CACNG2: variants seen among roughly 807,000 people sequenced by gnomAD.
CACNG2 encodes calcium voltage-gated channel auxiliary subunit gamma 2.
In CACNG2, 3 loss-of-function variants were observed where a neutral mutation model predicts 25.9. That is an observed-to-expected ratio of 0.12 (90% CI 0.05 to 0.30). The LOEUF is 0.30. CACNG2 is among the 10% of genes least tolerant of loss of function. CACNG2 has a pLI of 1.00. For synonymous variants in CACNG2, 167 were observed against 173.3 expected (o/e 0.96, Z 0.29); for missense variants, 341 against 432.5 (o/e 0.79, Z 1.88).
Position 36,702,752 on chromosome 22 carries a change from A to T in CACNG2, c.-176T>A. 1.7e-6 allele frequency: 1 copy of T among 584,762 alleles called. No homozygotes were observed. Among genetic ancestry groups the T allele is most frequent in the Non-Finnish European group, 3.0e-6 (1 of 333,620 alleles). The allele number at this position is 584,762 out of a possible 1,614,324, so 36.2% of individuals were successfully genotyped here. A position where few individuals can be genotyped will look rare whatever the true frequency, so the allele number is the denominator to read the frequency against. On this transcript the variant is annotated 5_prime_UTR_variant, in exon 1 of 4. Coordinates refer to ENST00000300105, the MANE Select transcript of CACNG2 (RefSeq NM_006078.5). ...AGTTATAAAAAAAGGGAGGTAAGAA[A>T]GCTCACGGAAAAGAGTGTAAATTAT...
chr22:36,646,873 G>A (rs756728117), intron 1 of CACNG2, among the ~76,000 whole-genome samples: 36 of 151,946 alleles, frequency 2.4e-4, no homozygotes, highest in Non-Finnish European at 4.3e-4. Flanking sequence ...AAATGAATGA[G>A]CTAGGTCCTG....
chr22:36,600,759 CTGGT>C (rs1935743959), intron 1 of CACNG2, among the ~76,000 whole-genome samples: 1 of 152,074 alleles, frequency 6.6e-6, no homozygotes, highest in Non-Finnish European at 1.5e-5. Flanking sequence ...GTTGGCCAGG[CTGGT>C]CTGGAACTCC....
intron 1 of CACNG2, among the ~76,000 whole-genome samples, chr22:36,597,147 C>G (rs1935690433): frequency 6.6e-6 from 1 of 152,172 alleles, no homozygotes; most frequent in African/African-American, 2.4e-5. Flanking sequence ...CTCAGCCTCC[C>G]AAGTAGCTGG....
In CACNG2 at chr22:36,621,376, C is replaced by T. The variant is rs1936101614; in HGVS notation, c.212-33828G>A. On this transcript the variant is annotated intron_variant, in intron 1 of 3. Transcript: ENST00000300105. ...TACAAAAATTTGAGTTTGAGACCAA[C>T]CCGGCCCACATGGCGAAACCTCATC... Among the ~76,000 whole-genome samples, 7 of 152,030 alleles carry T rather than the reference C, an allele frequency of 4.6e-5. No individual in the cohort carries two copies. The South Asian group carries it at 1.0e-3, about 23-fold the overall frequency.
Position 36,591,048 on chromosome 22 carries a change from T to A in CACNG2, c.212-3500A>T, listed in dbSNP as rs142294609. The stretch of plus-strand genomic sequence containing the variant: ...CTATGTTGGGGGGAGATATATTTTT[T>A]TTTTTTGAGACGGTGTCTTGCTCTG... On this transcript the variant is annotated intron_variant, in intron 1 of 3. Transcript: ENST00000300105. 3.4e-3 allele frequency among the ~76,000 whole-genome samples: 524 copies of A among 152,154 alleles called. 3 individuals carry two copies. The highest frequency in any genetic ancestry group is 9.8e-3 in the African/African-American group (405 of 41,516).
rs1935402959 is a variant in CACNG2 at position 36,580,837 on chromosome 22, AC to A, written c.295+6627del. Reference sequence around the variant, plus strand: ...GGAAATGTCACCTCCCATCTCCTGGACACAACACGCACACATACACACACAC... The same window carrying A: ...GGAAATGTCACCTCCCATCTCCTGGAACAACACGCACACATACACACACAC... On this transcript the variant is annotated intron_variant, in intron 2 of 3. Transcript: ENST00000300105. Among the ~76,000 whole-genome samples the A allele has an allele frequency of 3.3e-5, 5 of 152,192 alleles. No homozygotes were observed. In the South Asian group the frequency reaches 1.0e-3, roughly 32 times the overall value.
chr22:36,607,156 G>T (rs1388918170), intron 1 of CACNG2, among the ~76,000 whole-genome samples: 1 of 152,148 alleles, frequency 6.6e-6, no homozygotes, highest in African/African-American at 2.4e-5. Context: ...CATGGGCCCA[G>T]ATTCCTCCAT....
At chr22:36,604,657 A>C (rs1050950017) in intron 1 of CACNG2, among the ~76,000 whole-genome samples, 1 of 152,240 alleles carries the variant, frequency 6.6e-6, no homozygotes, top group South Asian at 2.1e-4. Flanking sequence ...AGATGATGGC[A>C]CACTGAAGGC....
At position 36,702,864 on chromosome 22, in the gene CACNG2, A is replaced by AT. The variant is rs1452513594; in HGVS notation, c.-289_-288insA. 2.3e-5 allele frequency: 7 copies of AT among 301,632 alleles called. No individual in the cohort carries two copies. In the East Asian group the frequency reaches 3.5e-4, roughly 15 times the overall value. The allele number at this position is 301,632 out of a possible 1,614,324, so 18.7% of individuals were successfully genotyped here. On this transcript the variant is annotated 5_prime_UTR_variant, in exon 1 of 4. Coordinates refer to ENST00000300105, the MANE Select transcript of CACNG2 (RefSeq NM_006078.5). ...TTTTTTTAAAAAGAAAAGGAAAAAAAAAATAAAAAGACACCCCCCACCCCC... is the reference window on the plus strand; with the variant it reads ...TTTTTTTAAAAAGAAAAGGAAAAAAATAAATAAAAAGACACCCCCCACCCCC...
intron 1 of CACNG2, among the ~76,000 whole-genome samples, chr22:36,649,937 G>A (rs1032270661): frequency 1.3e-5 from 2 of 152,200 alleles, no homozygotes; most frequent in South Asian, 2.1e-4. Context: ...TCTTGGCTAT[G>A]TCTTTATCAG....
rs1935022000 is a variant in CACNG2 at position 36,561,164 on chromosome 22, A to G, written c.*3187T>C. ...GTGGCTTTCTTCAAGCACACCCAGA[A>G]CCCAGGCCTTGCGCCATGGAAAGAA... On this transcript the variant is annotated 3_prime_UTR_variant, in exon 4 of 4. Transcript: ENST00000300105. The G allele has an allele frequency of 1.3e-5, 2 of 152,208 alleles. No individual in the cohort carries two copies. Among genetic ancestry groups the G allele is most frequent in the Non-Finnish European group, 2.9e-5 (2 of 68,080 alleles). The allele number at this position is 152,208 out of a possible 1,614,324, so 9.4% of individuals were successfully genotyped here.
chr22:36,659,040 G>A (rs1936748881), intron 1 of CACNG2, among the ~76,000 whole-genome samples: 1 of 152,186 alleles, frequency 6.6e-6, no homozygotes, highest in Admixed American at 6.5e-5. Context: ...AGAAGCATTG[G>A]AGTCAGAGGA....
chr22:36,612,484 A>T (rs1324987043), intron 1 of CACNG2, among the ~76,000 whole-genome samples: 2 of 152,122 alleles, frequency 1.3e-5, no homozygotes, highest in Non-Finnish European at 2.9e-5. Context: ...AGTCCCTGAG[A>T]TCCTTACTAG....
At chr22:36,643,050 TTC>T (rs1013149201) in intron 1 of CACNG2, among the ~76,000 whole-genome samples, 6 of 140,524 alleles carry the variant, frequency 4.3e-5, no homozygotes, top group Non-Finnish European at 9.4e-5. Context: ...TCTTCCTTCC[TTC>T]TTTCTCTCTT....
intron 1 of CACNG2, among the ~76,000 whole-genome samples, chr22:36,691,370 C>T (rs745423215): frequency 6.6e-6 from 1 of 152,130 alleles, no homozygotes; most frequent in Non-Finnish European, 1.5e-5. Flanking sequence ...AGACTGATGT[C>T]CTTGCATTTT....
At chr22:36,589,735 G>T (rs761901629) in intron 1 of CACNG2, among the ~76,000 whole-genome samples, 2 of 152,074 alleles carry the variant, frequency 1.3e-5, no homozygotes, top group Non-Finnish European at 2.9e-5. Flanking sequence ...CACCCCCATC[G>T]TGTCATGGCC....
chr22:36,683,636 C>A (rs1047579415), intron 1 of CACNG2, among the ~76,000 whole-genome samples: 15 of 152,198 alleles, frequency 9.9e-5, no homozygotes, highest in Non-Finnish European at 1.8e-4. Flanking sequence ...CAAGAAAACA[C>A]CTCTTCCTAC....
intron 3 of CACNG2, among the ~76,000 whole-genome samples, chr22:36,565,402 A>G (rs1211710170): frequency 6.6e-6 from 1 of 152,096 alleles, no homozygotes; most frequent in Non-Finnish European, 1.5e-5. Flanking sequence ...GAATGGGAGT[A>G]AGGTTAAGCC....
intron 1 of CACNG2, among the ~76,000 whole-genome samples, chr22:36,592,653 A>T (rs1472563169): frequency 6.6e-6 from 1 of 152,228 alleles, no homozygotes; most frequent in Non-Finnish European, 1.5e-5. Context: ...GTTTTTAGAA[A>T]TGAGTGGTGT....
Sources: allele counts gnomAD v4.1 joint callset (sites outside exome capture counted in the v4.1 genomes callset), GRCh38; gene constraint gnomAD v4.1.1; transcripts MANE v1.5; gene names NCBI Gene and HGNC (gene_info 2026-07-23, HGNC 2026-07-21).